NTM: variants seen among roughly 807,000 people sequenced by gnomAD.
NTM encodes neurotrimin.
Under a neutral mutation model 42.1 loss-of-function variants are expected in NTM, and 13 were observed. The ratio of observed to expected loss-of-function variants is 0.31; its 90% CI spans 0.20 to 0.49. The LOEUF is 0.49. Among genes scored for constraint, NTM ranks in the 20% least tolerant of loss-of-function variants. The pLI is 0.99. For synonymous variants in NTM, 187 were observed against 179.2 expected (o/e 1.04, Z -0.35); for missense variants, 373 against 452.8 (o/e 0.82, Z 1.60).
intron 1 of NTM, among the ~76,000 whole-genome samples, chr11:131,848,326 T>G (rs2045163273): frequency 6.6e-6 from 1 of 152,234 alleles, no homozygotes; most frequent in Admixed American, 6.5e-5. Context: ...AGTTGGAGTT[T>G]CCTTGATTTT....
chr11:132,109,830 A>G (rs2062925760), intron 2 of NTM, among the ~76,000 whole-genome samples: 1 of 152,196 alleles, frequency 6.6e-6, no homozygotes, highest in South Asian at 2.1e-4. Context: ...AGTCCATTGT[A>G]TCATTCTTGT....
chr11:131,539,416 A>G (rs974375168), intron 1 of NTM: 6 of 152,268 alleles, frequency 3.9e-5, no homozygotes, highest in Non-Finnish European at 8.8e-5. Context: ...TTGTGCACCA[A>G]TAGAGAAAAG....
At chr11:131,598,235 T>G (rs1475938151) in intron 1 of NTM, among the ~76,000 whole-genome samples, 1 of 152,248 alleles carries the variant, frequency 6.6e-6, no homozygotes, top group Non-Finnish European at 1.5e-5. Flanking sequence ...CAAGGGAATA[T>G]TAAGGCTGGG....
intron 1 of NTM, among the ~76,000 whole-genome samples, chr11:131,821,253 C>G (rs180886520): frequency 6.6e-6 from 1 of 152,336 alleles, no homozygotes; most frequent in East Asian, 1.9e-4. Context: ...GAACTCATTC[C>G]TGTTCCTACT....
At chr11:131,609,134 C>A (rs922961908) in intron 1 of NTM, among the ~76,000 whole-genome samples, 2 of 152,188 alleles carry the variant, frequency 1.3e-5, no homozygotes, top group African/African-American at 4.8e-5. Flanking sequence ...GGAGGCTGAG[C>A]TGGGCGAAGG....
At chr11:131,656,917 C>G (rs146216379) in intron 1 of NTM, among the ~76,000 whole-genome samples, 16 of 151,888 alleles carry the variant, frequency 1.1e-4, no homozygotes, top group Non-Finnish European at 2.1e-4. Flanking sequence ...TAAGTTTGAC[C>G]GAGTCATCTG....
intron 1 of NTM, among the ~76,000 whole-genome samples, chr11:131,687,160 G>A (rs2073993434): frequency 1.3e-5 from 2 of 152,218 alleles, no homozygotes; most frequent in Admixed American, 6.5e-5. Context: ...TCCCACTGCT[G>A]TTAGAAAGTA....
chr11:132,013,616 G>A (rs1310030364), intron 2 of NTM, among the ~76,000 whole-genome samples: 1 of 152,036 alleles, frequency 6.6e-6, no homozygotes, highest in East Asian at 1.9e-4. Flanking sequence ...AGTCCTGAAT[G>A]TTTATGACTT....
chr11:131,996,546 T>C (rs374368573), intron 2 of NTM, among the ~76,000 whole-genome samples: 2 of 152,272 alleles, frequency 1.3e-5, no homozygotes, highest in East Asian at 3.9e-4. Flanking sequence ...ACACACCTTA[T>C]CTTCTCTAAT....
At chr11:132,185,625 G>T (rs1366485295) in intron 3 of NTM, among the ~76,000 whole-genome samples, 1 of 152,146 alleles carries the variant, frequency 6.6e-6, no homozygotes, top group Non-Finnish European at 1.5e-5. Context: ...TAACTTTGCT[G>T]CATATAACGC....
intron 1 of NTM, among the ~76,000 whole-genome samples, chr11:131,612,312 T>C (rs546993182): frequency 3.9e-5 from 6 of 152,334 alleles, no homozygotes; most frequent in South Asian, 2.1e-4. Context: ...CCACAGAAAC[T>C]GTGAGCAGTA....
At chr11:132,288,306 CAGA>C (rs2094327093) in intron 4 of NTM, among the ~76,000 whole-genome samples, 5 of 152,186 alleles carry the variant, frequency 3.3e-5, no homozygotes. Flanking sequence ...ACAGAAGATT[CAGA>C]AGATTTACTT....
At chr11:131,687,552 C>T (rs539541007) in intron 1 of NTM, among the ~76,000 whole-genome samples, 5 of 152,226 alleles carry the variant, frequency 3.3e-5, no homozygotes, top group African/African-American at 7.2e-5. Context: ...GCCTGTCTTC[C>T]CTGTCCACCT....
chr11:131,388,508 C>T (rs551228919), intron 1 of NTM, among the ~76,000 whole-genome samples: 52 of 150,860 alleles, frequency 3.4e-4, no homozygotes, highest in Non-Finnish European at 5.5e-4. Context: ...ACCTTTTGCC[C>T]GTAAGTATTA....
At chr11:131,990,122 C>T (rs1006930072) in intron 2 of NTM, among the ~76,000 whole-genome samples, 2 of 152,028 alleles carry the variant, frequency 1.3e-5, no homozygotes, top group Admixed American at 6.6e-5. Flanking sequence ...AAATTTTATT[C>T]ACTACATTTT....
intron 1 of NTM, among the ~76,000 whole-genome samples, chr11:131,887,329 G>GAACAAA (rs779057322): frequency 2.9e-4 from 44 of 152,158 alleles, no homozygotes; most frequent in Admixed American, 1.0e-3. Context: ...GAGTGCCTGG[G>GAACAAA]AACAAAAACA....
chr11:131,669,081 C>T (rs1037921254), intron 1 of NTM, among the ~76,000 whole-genome samples: 2 of 152,092 alleles, frequency 1.3e-5, no homozygotes, highest in African/African-American at 4.8e-5. Flanking sequence ...AGTCCCTGTC[C>T]CGGTTTCTCT....
At chr11:131,859,523 C>T (rs2046413256) in intron 1 of NTM, among the ~76,000 whole-genome samples, 1 of 152,114 alleles carries the variant, frequency 6.6e-6, no homozygotes, top group Non-Finnish European at 1.5e-5. Context: ...TCTAACAAGA[C>T]TTGAGAGGGT....
chr11:132,330,328 C>G, intron 8 of NTM, 143 bp downstream of exon 8: 1 of 875,290 alleles, frequency 1.1e-6, no homozygotes, highest in South Asian at 1.8e-5. Context: ...CAACCATCTC[C>G]GTGTCAATTT....
Sources: gnomAD v4.1 joint callset for allele counts (sites outside exome capture counted in the v4.1 genomes callset) on GRCh38, gnomAD v4.1.1 for gene constraint, MANE v1.5 for transcripts, NCBI Gene and HGNC (gene_info 2026-07-23, HGNC 2026-07-21) for gene names.